Variants in MAPKAPK3 observed in about 807,000 individuals in gnomAD.
The protein encoded by MAPKAPK3 is MAPK activated protein kinase 3.
A neutral mutation model predicts 49.2 loss-of-function variants in MAPKAPK3; 35 were observed. That is an observed-to-expected ratio of 0.71 (90% CI 0.54 to 0.94). MAPKAPK3 has a LOEUF of 0.94. Ranked by LOEUF, MAPKAPK3 falls within the 40% of genes least tolerant of loss-of-function variation. The pLI is 0.00. For missense variants in MAPKAPK3, 398 were observed against 493.1 expected (o/e 0.81, Z 1.83); for synonymous variants, 178 against 188.7 (o/e 0.94, Z 0.46).
At chr3:50,615,654 C>G (rs2032449460), upstream of MAPKAPK3, among the ~76,000 whole-genome samples, 1 of 152,224 alleles carries the variant, frequency 6.6e-6, no homozygotes, top group South Asian at 2.1e-4. Context: ...GTGACCTCCT[C>G]TAGGCTCTGT....
chr3:50,644,090 C>T (rs548282600), intron 5 of MAPKAPK3, among the ~76,000 whole-genome samples: 2 of 152,318 alleles, frequency 1.3e-5, no homozygotes, highest in Admixed American at 1.3e-4. Flanking sequence ...TGCCTTCCCC[C>T]AGCACCCTTG....
chr3:50,632,813 A>G (rs779045435), intron 2 of MAPKAPK3, among the ~76,000 whole-genome samples: 3 of 152,230 alleles, frequency 2.0e-5, no homozygotes, highest in African/African-American at 4.8e-5. Context: ...CCAAGCTGGT[A>G]GCCTCGGCGC....
chr3:50,612,736 G>A (rs1044976201), upstream of MAPKAPK3: 2 of 151,648 alleles, frequency 1.3e-5, no homozygotes, highest in African/African-American at 4.8e-5. Context: ...GAAAAAAAAT[G>A]CTGAGAGAGA....
chr3:50,618,429 C>T (rs1413843408), intron 2 of MAPKAPK3, among the ~76,000 whole-genome samples: 2 of 152,072 alleles, frequency 1.3e-5, no homozygotes, highest in Admixed American at 1.3e-4. Flanking sequence ...CTAGCCACCT[C>T]AGACTATAGG....
At position 50,617,173 on chromosome 3, in the gene MAPKAPK3, C is replaced by A. The variant is rs952462480; in HGVS notation, c.-121C>A. 6.3e-6 allele frequency: 1 copy of A among 157,720 alleles called. No individual in the cohort carries two copies. The highest frequency in any genetic ancestry group is 2.4e-5 in the African/African-American group (1 of 41,340). 9.8% of individuals were successfully genotyped at this position (157,720 alleles called of 1,614,324 possible). ...GCGACTCTCGGCCCTGGGATTTCTGCGGCCGCCAGCTCCCGCGACCGCCTC... is the reference window on the plus strand; with the variant it reads ...GCGACTCTCGGCCCTGGGATTTCTGAGGCCGCCAGCTCCCGCGACCGCCTC... On this transcript the variant is annotated 5_prime_UTR_variant, in exon 1 of 11. Coordinates refer to ENST00000621469, the MANE Select transcript of MAPKAPK3 (RefSeq NM_001243925.2).
intron 10 of MAPKAPK3, 50 bp downstream of exon 10, chr3:50,647,253 A>C: frequency 1.3e-6 from 2 of 1,498,804 alleles, no homozygotes; most frequent in Non-Finnish European, 1.8e-6. Flanking sequence ...ATTTGGGCAA[A>C]AGGGACTTCA....
At position 50,617,709 on chromosome 3, in the gene MAPKAPK3, G is replaced by T. The variant is rs1239435558; in HGVS notation, c.144G>T (p.Gln48His). 6.2e-7 allele frequency: 1 copy of T among 1,613,576 alleles called. No individual in the cohort carries two copies. Among genetic ancestry groups the T allele is most frequent in the Non-Finnish European group, 8.5e-7 (1 of 1,180,014 alleles). The change falls in exon 2 of 11, where the codon CAG becomes CAT. Residue 48 changes from glutamine (Q) to histidine (H), a missense_variant. Gln to His is a conservative substitution (Grantham distance 24). Coordinates refer to ENST00000621469, the MANE Select transcript of MAPKAPK3 (RefSeq NM_001243925.2). Reference sequence around the variant, plus strand: ...CCGACGACTACCAGTTGTCCAAGCAGGTGCTGGGCCTGGGTGTGAACGGCA... The same window carrying T: ...CCGACGACTACCAGTTGTCCAAGCATGTGCTGGGCCTGGGTGTGAACGGCA... ...AVTDDYQLSK[Q>H]VLGLGVNGKV... is the part of the protein sequence containing the mutation.
intron 2 of MAPKAPK3, among the ~76,000 whole-genome samples, chr3:50,639,649 C>T (rs1192112371): frequency 2.0e-5 from 3 of 152,104 alleles, no homozygotes; most frequent in African/African-American, 7.2e-5. Flanking sequence ...GGCCTTGTCT[C>T]CCTCCACTCT....
chr3:50,638,884 C>T (rs960140464), intron 2 of MAPKAPK3, among the ~76,000 whole-genome samples: 2 of 152,238 alleles, frequency 1.3e-5, no homozygotes, highest in Non-Finnish European at 2.9e-5. Flanking sequence ...ATCCGAGCCC[C>T]GGTCTTGAGC....
intron 2 of MAPKAPK3, among the ~76,000 whole-genome samples, chr3:50,627,000 G>A (rs776954627): frequency 9.2e-5 from 14 of 152,014 alleles, no homozygotes; most frequent in African/African-American, 2.9e-4. Context: ...CGAGATCAGC[G>A]TGGTGAAACC....
rs199901611 is a variant in MAPKAPK3, at chr3:50,646,210, C to T, written c.775C>T (p.Arg259Cys). 54 of 1,614,158 alleles carry T rather than the reference C, an allele frequency of 3.3e-5. 1 individual carries two copies. In the East Asian group the frequency reaches 4.9e-4, roughly 15 times the overall value. ...AISPGMKRRI[R>C]LGQYGFPNPE... ...CTCCCCGGGGATGAAGAGGAGGATTCGCCTGGGCCAGTACGGCTTCCCCAA... is the reference window on the plus strand; with the variant it reads ...CTCCCCGGGGATGAAGAGGAGGATTTGCCTGGGCCAGTACGGCTTCCCCAA... Residue 259 changes from arginine (R) to cysteine (C), a missense_variant, in exon 8 of 11, where the codon CGC becomes TGC. Arg to Cys is a radical substitution (Grantham distance 180). Around this residue, in one of 5 missense-constraint regions of MAPKAPK3, gnomAD observed 152 missense variants for 177.3 expected, o/e 0.86. Transcript: ENST00000621469.
chr3:50,629,768 C>G (rs915895120), intron 2 of MAPKAPK3, among the ~76,000 whole-genome samples: 1 of 152,226 alleles, frequency 6.6e-6, no homozygotes, highest in East Asian at 1.9e-4. Context: ...CTCCACTCTT[C>G]CCATCCCCCA....
chr3:50,612,622 G>C (rs548073917), upstream of MAPKAPK3: 3 of 152,104 alleles, frequency 2.0e-5, no homozygotes, highest in East Asian at 5.8e-4. Context: ...GTTTCTGGCC[G>C]GCCCTGCCAG....
intron 2 of MAPKAPK3, among the ~76,000 whole-genome samples, chr3:50,634,283 G>T (rs955512717): frequency 6.6e-5 from 10 of 152,142 alleles, no homozygotes; most frequent in Non-Finnish European, 2.9e-5. Context: ...CCTCACAGGG[G>T]TGTGTGTATG....
rs373752486 is a variant in MAPKAPK3 at position 50,622,670 on chromosome 3, A to G, written c.219+4886A>G. Among the ~76,000 whole-genome samples, 35 of 152,338 alleles carry G rather than the reference A, an allele frequency of 2.3e-4. 2 individuals are homozygous for G. The South Asian group carries it at 7.3e-3, about 32-fold the overall frequency. On this transcript the variant is annotated intron_variant, in intron 2 of 10. Coordinates refer to ENST00000621469, the MANE Select transcript of MAPKAPK3 (RefSeq NM_001243925.2). ...GAGAGGGGTTCTTTGATTACAGCTC[A>G]GAGATAAGCCACAGAGAAATGCTAT...
intron 5 of MAPKAPK3, among the ~76,000 whole-genome samples, chr3:50,642,723 G>A (rs565134169): frequency 9.3e-4 from 141 of 152,360 alleles, no homozygotes; most frequent in Middle Eastern, 3.4e-3. Flanking sequence ...CCCAGGGGCT[G>A]TGTAGTTGCT....
In MAPKAPK3 at chr3:50,617,732, G is replaced by T. The variant is rs1479819710; in HGVS notation, c.167G>T (p.Gly56Val). ...CAGGTGCTGGGCCTGGGTGTGAACG[G>T]CAAAGTGCTGGAGTGCTTCCATCGG... ...SKQVLGLGVN[G>V]KVLECFHRRT... Residue 56 changes from glycine to valine, a missense_variant, in exon 2 of 11, where the codon GGC (glycine) becomes GTC (valine). Gly to Val is a moderately radical substitution (Grantham distance 109). This residue lies in a region of MAPKAPK3 where 123 missense variants were observed against 117.7 expected (regional missense o/e 1.04). Coordinates refer to ENST00000621469, the MANE Select transcript of MAPKAPK3 (RefSeq NM_001243925.2). 2 of 1,613,568 alleles carry T rather than the reference G, an allele frequency of 1.2e-6. No homozygotes were observed. Among genetic ancestry groups the T allele is most frequent in the East Asian group, 4.5e-5 (2 of 44,874 alleles).
chr3:50,617,656 C>A lies in MAPKAPK3; in HGVS notation c.91C>A (p.Arg31=), dbSNP rs2032506009. 3 of 1,609,550 alleles carry A rather than the reference C, an allele frequency of 1.9e-6. No individual in the cohort carries two copies. Among genetic ancestry groups the A allele is most frequent in the Non-Finnish European group, 1.7e-6 (2 of 1,176,832 alleles). ...GPGLGGAPGG[R]REPKKYAVTD... ...CGGCTTGGGCGGTGCTCCGGGGGGG[C>A]GGCGGGAGCCCAAGAAGTACGCAGT... The change falls in exon 2 of 11, where the codon CGG becomes AGG. Residue 31 remains arginine, a synonymous_variant. Coordinates refer to ENST00000621469, the MANE Select transcript of MAPKAPK3 (RefSeq NM_001243925.2).
At position 50,635,634 on chromosome 3, in the gene MAPKAPK3, C is replaced by A. The variant is rs140829045; in HGVS notation, c.220-4732C>A. ...GTTTCACCATGTTTGTCAGGCTGGTCTCAAACTCCTGATCTCGTGATACAC... is the reference window on the plus strand; with the variant it reads ...GTTTCACCATGTTTGTCAGGCTGGTATCAAACTCCTGATCTCGTGATACAC... On this transcript the variant is annotated intron_variant, in intron 2 of 10. Coordinates refer to ENST00000621469, the MANE Select transcript of MAPKAPK3 (RefSeq NM_001243925.2). 7.5e-3 allele frequency among the ~76,000 whole-genome samples: 1,137 copies of A among 151,468 alleles called. 18 individuals are homozygous for A. Among genetic ancestry groups the A allele is most frequent in the African/African-American group, 0.027 (1,095 of 41,264 alleles).
Sources: allele counts gnomAD v4.1 joint callset (sites outside exome capture counted in the v4.1 genomes callset), GRCh38; gene constraint gnomAD v4.1.1; regional missense constraint gnomAD v4.1.1; transcripts MANE v1.5; gene names NCBI Gene and HGNC (gene_info 2026-07-23, HGNC 2026-07-21).